PCNX1: variants seen among roughly 807,000 people sequenced by gnomAD.
PCNX1 encodes pecanex 1.
PCNX1 carries 78 observed loss-of-function variants against 242.2 expected under a neutral mutation model. The ratio of observed to expected loss-of-function variants is 0.32; its 90% confidence interval spans 0.27 to 0.39. The LOEUF (loss-of-function observed/expected upper bound fraction) is 0.39, where lower values mean the gene tolerates loss of function less well. PCNX1 is among the 10% of genes least tolerant of loss of function. PCNX1 has a pLI of 1.00. For missense variants in PCNX1, 2,581 were observed against 2,856.5 expected (o/e 0.90, Z 2.20); for synonymous variants, 1,024 against 1,032.9 (o/e 0.99, Z 0.17).
chr14:71,109,655 A>G lies in PCNX1; in HGVS notation c.6885+63A>G, dbSNP rs912586574. 31 of 1,598,212 alleles carry G rather than the reference A, an allele frequency of 1.9e-5. No individual in the cohort carries two copies. In the African/African-American group the frequency reaches 3.4e-4, roughly 17 times the overall value. ...CTTTTTTGAAGTCCGCCTCACTTGG[A>G]TGCATGGTTTTAGCTGATTTATACT... On this transcript the variant is annotated intron_variant, in intron 35 of 35. Coordinates refer to ENST00000304743, the MANE Select transcript of PCNX1 (RefSeq NM_014982.3).
At chr14:71,099,842 A>G (rs1595504140) in intron 30 of PCNX1, among the ~76,000 whole-genome samples, 1 of 152,012 alleles carries the variant, frequency 6.6e-6, no homozygotes, top group East Asian at 1.9e-4. Context: ...TTTTGTTTCC[A>G]TTTTTACTGT....
At chr14:70,908,072 C>T (rs1373575488) in intron 1 of PCNX1, 69 bp downstream of exon 1, 3 of 1,408,820 alleles carry the variant, frequency 2.1e-6, no homozygotes, top group African/African-American at 1.5e-5. Flanking sequence ...GGGGTCGCGC[C>T]CTCTTCCTCT....
chr14:71,106,871 T>TC, intron 33 of PCNX1, among the ~76,000 whole-genome samples: 1 of 152,350 alleles, frequency 6.6e-6, no homozygotes. Flanking sequence ...AAATATCTTT[T>TC]CCCATTCTGT....
At chr14:70,922,172 A>T (rs1454850797) in intron 1 of PCNX1, among the ~76,000 whole-genome samples, 1 of 152,154 alleles carries the variant, frequency 6.6e-6, no homozygotes, top group Admixed American at 6.5e-5. Flanking sequence ...AGTGCTTTTT[A>T]CCCAGTATGG....
intron 8 of PCNX1, among the ~76,000 whole-genome samples, chr14:71,008,497 A>T (rs2059728225): frequency 6.6e-6 from 1 of 151,952 alleles, no homozygotes; most frequent in Non-Finnish European, 1.5e-5. Flanking sequence ...TCTACTAAAA[A>T]TACGAAAAAT....
chr14:70,955,271 GA>G (rs1445139546), intron 2 of PCNX1, among the ~76,000 whole-genome samples: 2 of 152,174 alleles, frequency 1.3e-5, no homozygotes, highest in African/African-American at 4.8e-5. Context: ...GTAAACTACG[GA>G]TCAATTTAAA....
Position 70,929,091 on chromosome 14 carries a change from A to G in PCNX1, c.154-17824A>G, listed in dbSNP as rs374050574. ...TTACCTTCATTTTTGAAAAATTTCAAAGTGTGCTATCTTTAACAAATGCTT... is the reference window on the plus strand; with the variant it reads ...TTACCTTCATTTTTGAAAAATTTCAGAGTGTGCTATCTTTAACAAATGCTT... On this transcript the variant is annotated intron_variant, in intron 1 of 35. Transcript: ENST00000304743. Among the ~76,000 whole-genome samples, 30 of 152,270 alleles carry G rather than the reference A, an allele frequency of 2.0e-4. No homozygotes were observed. The South Asian group carries it at 2.7e-3, about 14-fold the overall frequency.
chr14:70,994,412 T>G (rs1051144590), intron 7 of PCNX1, among the ~76,000 whole-genome samples: 1 of 128,016 alleles, frequency 7.8e-6, no homozygotes, highest in Non-Finnish European at 1.7e-5. Context: ...TATATATATA[T>G]ATATATATAT....
chr14:71,094,374 T>G (rs1025931439), intron 30 of PCNX1, among the ~76,000 whole-genome samples: 9 of 152,224 alleles, frequency 5.9e-5, no homozygotes, highest in African/African-American at 1.9e-4. Context: ...TACCTGGGTA[T>G]GCACATTTGT....
intron 27 of PCNX1, among the ~76,000 whole-genome samples, chr14:71,075,417 A>G (rs777539468): frequency 1.2e-4 from 18 of 152,112 alleles, no homozygotes; most frequent in Non-Finnish European, 2.1e-4. Context: ...TGATTTCACA[A>G]TATTTTTTAC....
At chr14:71,102,561 C>T (rs2062492495) in intron 31 of PCNX1, among the ~76,000 whole-genome samples, 1 of 152,138 alleles carries the variant, frequency 6.6e-6, no homozygotes, top group Non-Finnish European at 1.5e-5. Context: ...CCACCACGCC[C>T]AGCCTTGATG....
intron 11 of PCNX1, among the ~76,000 whole-genome samples, chr14:71,016,550 G>A (rs2059966343): frequency 2.0e-5 from 3 of 152,114 alleles, no homozygotes; most frequent in Non-Finnish European, 2.9e-5. Context: ...ATCATACATA[G>A]TGAATTAAAT....
At chr14:71,080,305 G>GCA (rs2061822227) in intron 28 of PCNX1, among the ~76,000 whole-genome samples, 1 of 152,160 alleles carries the variant, frequency 6.6e-6, no homozygotes, top group Non-Finnish European at 1.5e-5. Context: ...GTTAGGTAAT[G>GCA]TGATGCCTCC....
chr14:70,996,029 G>A, intron 8 of PCNX1, 104 bp downstream of exon 8: 1 of 836,610 alleles, frequency 1.2e-6, no homozygotes, highest in South Asian at 1.5e-5. Context: ...TTGGAACTAT[G>A]CATAGGAGCA....
chr14:71,009,568 A>C, intron 8 of PCNX1, 66 bp from the exon 9 acceptor site: 1 of 894,168 alleles, frequency 1.1e-6, no homozygotes, highest in Non-Finnish European at 1.7e-6. Context: ...TACGAAATTT[A>C]GTATATCATG....
chr14:71,047,179 A>T, intron 21 of PCNX1, 74 bp downstream of exon 21: 1 of 887,592 alleles, frequency 1.1e-6, no homozygotes. Flanking sequence ...TTGTTGATCA[A>T]ATATTAAATA....
rs754845362 is a variant in PCNX1 at position 70,978,235 on chromosome 14, G to C, written c.1898G>C (p.Cys633Ser). 1.2e-6 allele frequency: 2 copies of C among 1,614,086 alleles called. No individual in the cohort carries two copies. The highest frequency in any genetic ancestry group is 1.7e-5 in the Admixed American group (1 of 60,018). ...DSSSSTTSHS[C>S]QSPEGRYSAL... Reference sequence around the variant, plus strand: ...TCTTCTAGCACCACTTCTCATTCCTGTCAGTCTCCTGAGGGCAGATACAGT... The same window carrying C: ...TCTTCTAGCACCACTTCTCATTCCTCTCAGTCTCCTGAGGGCAGATACAGT... Residue 633 changes from cysteine (C) to serine (S), a missense_variant, in exon 6 of 36, where the codon TGT becomes TCT. By Grantham distance (112) the Cys-to-Ser change is moderately radical. This residue lies in a region of PCNX1 where 1,204 missense variants were observed against 1,216.7 expected (regional missense o/e 0.99). Coordinates refer to ENST00000304743, the MANE Select transcript of PCNX1 (RefSeq NM_014982.3).
Position 70,907,629 on chromosome 14 carries a change from C to T in PCNX1, c.-222C>T, listed in dbSNP as rs1359911378. 84 of 332,222 alleles carry T rather than the reference C, an allele frequency of 2.5e-4. 1 individual carries two copies. Among genetic ancestry groups the T allele is most frequent in the Non-Finnish European group, 3.5e-4 (72 of 203,662 alleles). 20.6% of individuals were successfully genotyped at this position (332,222 alleles called of 1,614,324 possible). A position where few individuals can be genotyped will look rare whatever the true frequency, so the allele number is the denominator to read the frequency against. ...CTCCTCCTCTCCGCCGTCCTCCGCC[C>T]CGCCGCTCGCCGCCTCCTCCTCTCG... On this transcript the variant is annotated 5_prime_UTR_variant, in exon 1 of 36. Coordinates refer to ENST00000304743, the MANE Select transcript of PCNX1 (RefSeq NM_014982.3).
intron 1 of PCNX1, among the ~76,000 whole-genome samples, chr14:70,945,384 AT>A (rs1271763313): frequency 6.6e-6 from 1 of 152,228 alleles, no homozygotes; most frequent in South Asian, 2.1e-4. Flanking sequence ...ATTCAGTAAC[AT>A]TTTAAGTTGG....
Sources: allele counts gnomAD v4.1 joint callset (sites outside exome capture counted in the v4.1 genomes callset), GRCh38; gene constraint gnomAD v4.1.1; regional missense constraint gnomAD v4.1.1; transcripts MANE v1.5; gene names NCBI Gene and HGNC (gene_info 2026-07-23, HGNC 2026-07-21).